TMTC1: variants seen among roughly 807,000 people sequenced by gnomAD.
The protein encoded by TMTC1 is transmembrane O-mannosyltransferase targeting cadherins 1.
TMTC1 carries 73 observed loss-of-function variants against 104.8 expected under a neutral mutation model. The ratio of observed to expected loss-of-function variants is 0.70; its 90% CI spans 0.58 to 0.85. The LOEUF is 0.85. TMTC1 is among the 40% of genes least tolerant of loss of function. The pLI is 0.00. For missense variants in TMTC1, 1,035 were observed against 1,096.1 expected, an observed-to-expected ratio of 0.94 and a Z score of 0.79; for synonymous variants, 434 against 428.7, an observed-to-expected ratio of 1.01 and a Z score of -0.15.
At chr12:29,646,736 T>C (rs774846216) in intron 5 of TMTC1, among the ~76,000 whole-genome samples, 1 of 152,162 alleles carries the variant, frequency 6.6e-6, no homozygotes, top group Non-Finnish European at 1.5e-5. Context: ...ATGAATATAT[T>C]ATAATACAAA....
At chr12:29,645,341 C>G (rs1939219082) in intron 5 of TMTC1, among the ~76,000 whole-genome samples, 1 of 152,194 alleles carries the variant, frequency 6.6e-6, no homozygotes, top group Admixed American at 6.5e-5. Context: ...GCATTCCCTT[C>G]ACTCAGAAAC....
intron 11 of TMTC1, among the ~76,000 whole-genome samples, chr12:29,522,622 C>A (rs1050722357): frequency 6.6e-6 from 1 of 151,386 alleles, no homozygotes; most frequent in East Asian, 1.9e-4. Context: ...TATATAACAA[C>A]CTGAGAAAAT....
At chr12:29,628,114 T>G (rs1208841778) in intron 6 of TMTC1, among the ~76,000 whole-genome samples, 1 of 152,242 alleles carries the variant, frequency 6.6e-6, no homozygotes, top group African/African-American at 2.4e-5. Context: ...CTTCTTTGAC[T>G]CTTTAATTCT....
Position 29,585,079 on chromosome 12 carries a change from C to G in TMTC1, c.1251-1505G>C, listed in dbSNP as rs36194338. Among the ~76,000 whole-genome samples the G allele has an allele frequency of 4.5e-3, 649 of 145,520 alleles. 2 individuals carry two copies. Among genetic ancestry groups the G allele is most frequent in the South Asian group, 0.01 (47 of 4,508 alleles). On this transcript the variant is annotated intron_variant, in intron 7 of 17. Transcript: ENST00000539277. ...CAACAGTGTAAAAGTGTTCCTATTT[C>G]TCCACATCCTCTCCAGCACCTGTTG... is the stretch of plus-strand genomic sequence containing the variant.
chr12:29,577,926 A>C (rs943727284), intron 8 of TMTC1, among the ~76,000 whole-genome samples: 1 of 152,130 alleles, frequency 6.6e-6, no homozygotes, highest in Non-Finnish European at 1.5e-5. Context: ...TTTAATAATC[A>C]AATTTCTATT....
At chr12:29,580,588 G>C (rs1945951252) in intron 8 of TMTC1, among the ~76,000 whole-genome samples, 2 of 152,262 alleles carry the variant, frequency 1.3e-5, no homozygotes, top group South Asian at 4.1e-4. Context: ...AATGGTCTAT[G>C]GTTTATTGTT....
chr12:29,773,725 G>T (rs1185683963), intron 1 of TMTC1, among the ~76,000 whole-genome samples: 1 of 152,038 alleles, frequency 6.6e-6, no homozygotes, highest in Non-Finnish European at 1.5e-5. Context: ...ACCAATGATC[G>T]CTGCAGGTCA....
At chr12:29,698,511 G>GT (rs1241578416) in intron 5 of TMTC1, among the ~76,000 whole-genome samples, 16 of 152,152 alleles carry the variant, frequency 1.1e-4, no homozygotes, top group Admixed American at 6.5e-4. Context: ...GTGTCCCATC[G>GT]TATCTACTCT....
At position 29,783,781 on chromosome 12, in the gene TMTC1, C is replaced by T. The variant is rs1453821070; in HGVS notation, c.-30G>A. The stretch of plus-strand genomic sequence containing the variant: ...CCGCCGCCGCCGCTGCTGCCCTGGC[C>T]TCTCCCGGGCGTCTGGCATCCTCCC... On this transcript the variant is annotated 5_prime_UTR_variant, in exon 1 of 18. Transcript: ENST00000539277. The surrounding 1 kb of genome is among the most constrained non-coding windows in gnomAD (Gnocchi z 4.7). The T allele has an allele frequency of 4.4e-6, 5 of 1,132,730 alleles. No individual in the cohort carries two copies. The highest frequency in any genetic ancestry group is 9.8e-5 in the Admixed American group (2 of 20,380). The allele number at this position is 1,132,730 out of a possible 1,614,324, so 70.2% of individuals were successfully genotyped here.
intron 6 of TMTC1, among the ~76,000 whole-genome samples, chr12:29,632,763 T>C (rs1355808155): frequency 6.6e-6 from 1 of 152,196 alleles, no homozygotes; most frequent in East Asian, 1.9e-4. Flanking sequence ...TTTGGGGAAG[T>C]AGTGGGAGAA....
intron 11 of TMTC1, among the ~76,000 whole-genome samples, chr12:29,530,771 A>G (rs147677198): frequency 1.0e-3 from 158 of 152,216 alleles, no homozygotes; most frequent in African/African-American, 3.1e-3. Flanking sequence ...CTCCTTTCCA[A>G]ATTTGTAGAT....
chr12:29,783,078 C>G lies in TMTC1; in HGVS notation c.302+372G>C, dbSNP rs969876835. On this transcript the variant is annotated intron_variant, in intron 1 of 17. Coordinates refer to ENST00000539277, the MANE Select transcript of TMTC1 (RefSeq NM_001193451.2). This position sits in a 1 kb window ranked among gnomAD's most constrained non-coding sequence, Gnocchi z 4.7. Reference sequence around the variant, plus strand: ...TTGGAAGCATCGCCACCACCGCCACCCCTCCGGAACCCTCTGGGTCCGCGC... The same window carrying G: ...TTGGAAGCATCGCCACCACCGCCACGCCTCCGGAACCCTCTGGGTCCGCGC... 2 of 226,286 alleles carry G rather than the reference C, an allele frequency of 8.8e-6. No individual in the cohort carries two copies. Among genetic ancestry groups the G allele is most frequent in the Non-Finnish European group, 1.7e-5 (2 of 116,678 alleles). The allele number at this position is 226,286 out of a possible 1,614,324, so 14.0% of individuals were successfully genotyped here. A position where few individuals can be genotyped will look rare whatever the true frequency, so the allele number is the denominator to read the frequency against.
intron 5 of TMTC1, chr12:29,659,794 C>T: frequency 1.0e-6 from 1 of 1,005,002 alleles, no homozygotes; most frequent in Non-Finnish European, 1.4e-6. Context: ...GACCCCAATC[C>T]TCAATATGCA....
At chr12:29,547,669 A>G (rs1056719101) in intron 10 of TMTC1, among the ~76,000 whole-genome samples, 4 of 152,336 alleles carry the variant, frequency 2.6e-5, no homozygotes, top group Admixed American at 1.3e-4. Context: ...CAAATGGCCA[A>G]TCTGGCTGGG....
intron 10 of TMTC1, among the ~76,000 whole-genome samples, chr12:29,556,521 G>T (rs942631006): frequency 6.6e-6 from 1 of 152,160 alleles, no homozygotes; most frequent in East Asian, 1.9e-4. Flanking sequence ...AAGAATATTA[G>T]CATATTAAAG....
rs1479916752 is a variant in TMTC1 at position 29,585,494 on chromosome 12, T to C, written c.1251-1920A>G. Among the ~76,000 whole-genome samples the C allele has an allele frequency of 2.6e-5, 4 of 152,332 alleles. No homozygotes were observed. In the East Asian group the frequency reaches 7.7e-4, roughly 29 times the overall value. On this transcript the variant is annotated intron_variant, in intron 7 of 17. Transcript: ENST00000539277. ...CTTTTGTTGCCATGGCTTTTGGTGT[T>C]TTAGACATGAAGTCCTTGCCCGTGC...
At chr12:29,713,336 CACACAG>C (rs1215982149) in intron 5 of TMTC1, among the ~76,000 whole-genome samples, 102 of 147,588 alleles carry the variant, frequency 6.9e-4, no homozygotes, top group African/African-American at 2.4e-3. Context: ...CACACACACA[CACACAG>C]GGAGAGAGAG....
At chr12:29,776,849 G>C (rs941754148) in intron 1 of TMTC1, among the ~76,000 whole-genome samples, 1 of 152,196 alleles carries the variant, frequency 6.6e-6, no homozygotes, top group Admixed American at 6.5e-5. Context: ...CAGATCTGGG[G>C]AAAAGCATTC....
intron 7 of TMTC1, among the ~76,000 whole-genome samples, chr12:29,589,610 C>A (rs768926776): frequency 2.4e-4 from 36 of 152,208 alleles, no homozygotes; most frequent in Non-Finnish European, 5.0e-4. Context: ...AGGAACAGAG[C>A]TGCCATCTGG....
Sources: allele counts gnomAD v4.1 joint callset (sites outside exome capture counted in the v4.1 genomes callset), GRCh38; gene constraint gnomAD v4.1.1; non-coding constraint Gnocchi (gnomAD v3.1); transcripts MANE v1.5; gene names NCBI Gene and HGNC (gene_info 2026-07-23, HGNC 2026-07-21).